The following IQSEC1 variants were observed in gnomAD, a reference collection of about 807,000 sequenced individuals.
IQSEC1 encodes the protein IQ motif and Sec7 domain ArfGEF 1, also known as IQ motif and SEC7 domain-containing protein 1.
In IQSEC1, 31 loss-of-function variants were observed where a neutral mutation model predicts 91.0. That is an observed-to-expected ratio of 0.34 (90% CI 0.26 to 0.46). The LOEUF (loss-of-function observed/expected upper bound fraction) is 0.46. Ranked by LOEUF, IQSEC1 falls within the 20% of genes least tolerant of loss-of-function variation. The pLI, the probability that IQSEC1 is intolerant of heterozygous loss-of-function variation, is 1.00. For synonymous variants in IQSEC1, 699 were observed against 662.6 expected (o/e 1.05, Z -0.84); for missense variants, 1,388 against 1,575.6 (o/e 0.88, Z 2.02).
At chr3:13,089,352 G>A (rs1226528634) in intron 2 of IQSEC1, among the ~76,000 whole-genome samples, 1 of 152,226 alleles carries the variant, frequency 6.6e-6, no homozygotes, top group Non-Finnish European at 1.5e-5. Flanking sequence ...GGCTGAGGCT[G>A]GAGAATTACT....
chr3:12,926,930 G>A (rs969461535), intron 3 of IQSEC1, among the ~76,000 whole-genome samples: 2 of 152,196 alleles, frequency 1.3e-5, no homozygotes, highest in Non-Finnish European at 2.9e-5. Flanking sequence ...AAGTGGTAAT[G>A]GAGTGGCCCC....
chr3:13,141,452 T>A (rs1398147256), intron 2 of IQSEC1, among the ~76,000 whole-genome samples: 1 of 152,236 alleles, frequency 6.6e-6, no homozygotes. Flanking sequence ...TCTGTTCTTG[T>A]GTTCCCTGGG....
intron 2 of IQSEC1, among the ~76,000 whole-genome samples, chr3:13,119,199 G>T (rs1046258711): frequency 1.3e-5 from 2 of 152,070 alleles, no homozygotes; most frequent in East Asian, 1.9e-4. Flanking sequence ...TAATATTTAA[G>T]AATATTATTA....
intron 1 of IQSEC1, among the ~76,000 whole-genome samples, chr3:12,948,633 T>C (rs2125405122): frequency 6.6e-6 from 1 of 152,202 alleles, no homozygotes; most frequent in East Asian, 1.9e-4. Flanking sequence ...TCAAGAAAAA[T>C]GTTAGCCAGG....
chr3:13,248,870 G>C (rs935202059), intron 1 of IQSEC1, among the ~76,000 whole-genome samples: 7 of 91,416 alleles, frequency 7.7e-5, no homozygotes, highest in South Asian at 3.3e-4. Flanking sequence ...GCTGCACAGA[G>C]AGATTGAGTA....
chr3:13,085,126 C>G (rs1193527398), intron 2 of IQSEC1, among the ~76,000 whole-genome samples: 4 of 152,158 alleles, frequency 2.6e-5, no homozygotes, highest in African/African-American at 9.7e-5. Context: ...TACGACATCT[C>G]CTCGGATGCC....
chr3:12,981,542 G>A (rs1202401330), intron 1 of IQSEC1, among the ~76,000 whole-genome samples: 2 of 152,006 alleles, frequency 1.3e-5, no homozygotes, highest in Non-Finnish European at 2.9e-5. Flanking sequence ...GAAACAACAG[G>A]GGGAACTTTT....
chr3:13,037,346 T>C (rs6442347), intron 1 of IQSEC1, among the ~76,000 whole-genome samples: 49,838 of 151,910 alleles, frequency 0.33, 8,966 homozygotes, highest in African/African-American at 0.48. Flanking sequence ...CAAGGGTGCT[T>C]ACTGCATCCC....
At chr3:13,038,401 AC>A (rs1392010718) in intron 1 of IQSEC1, among the ~76,000 whole-genome samples, 1 of 151,286 alleles carries the variant, frequency 6.6e-6, no homozygotes, top group East Asian at 1.9e-4. Flanking sequence ...GTACAGAAAA[AC>A]AAAATATCAC....
At chr3:12,930,800 T>C (rs1697602147) in intron 3 of IQSEC1, among the ~76,000 whole-genome samples, 1 of 152,086 alleles carries the variant, frequency 6.6e-6, no homozygotes, top group South Asian at 2.1e-4. Flanking sequence ...GGGTTTGGAG[T>C]GCCCGAGGAT....
chr3:13,003,008 A>G (rs896101657), intron 1 of IQSEC1, among the ~76,000 whole-genome samples: 5 of 152,242 alleles, frequency 3.3e-5, no homozygotes, highest in African/African-American at 1.2e-4. Flanking sequence ...ACATATGTCC[A>G]CATCAAATCT....
chr3:13,008,854 AC>A lies in IQSEC1; in HGVS notation c.23+64137del, dbSNP rs1288078391. Among the ~76,000 whole-genome samples, 5 of 152,084 alleles carry A rather than the reference AC, an allele frequency of 3.3e-5. No individual in the cohort carries two copies. Among genetic ancestry groups the A allele is most frequent in the African/African-American group, 1.2e-4 (5 of 41,396 alleles). ...CAGTGGGAACCAGACACGCTGGCAA[AC>A]CCCATCCCACGGGCTAGGCTTTCAG... On this transcript the variant is annotated intron_variant, in intron 1 of 13. Transcript: ENST00000613206. This position sits in a 1 kb window ranked among gnomAD's most constrained non-coding sequence, Gnocchi z 4.1.
chr3:13,052,105 A>G (rs942831945), intron 1 of IQSEC1, among the ~76,000 whole-genome samples: 3 of 152,258 alleles, frequency 2.0e-5, no homozygotes, highest in South Asian at 2.1e-4. Context: ...GTGTGTCCAC[A>G]TGGTTCCCTC....
Position 12,909,987 on chromosome 3 carries a change from C to T in IQSEC1, c.2417-553G>A, listed in dbSNP as rs1179788166. On this transcript the variant is annotated intron_variant, in intron 10 of 13. Coordinates refer to ENST00000613206, the MANE Select transcript of IQSEC1 (RefSeq NM_001134382.3). The surrounding 1 kb of genome is among the most constrained non-coding windows in gnomAD (Gnocchi z 4.9). ...GTTTGAAGGTTCTTGGACCAAGTAC[C>T]AATCCCACCTTGGCTCAGACCAGGT... 6.6e-6 allele frequency among the ~76,000 whole-genome samples: 1 copy of T among 152,228 alleles called. No homozygotes were observed. Among genetic ancestry groups the T allele is most frequent in the Non-Finnish European group, 1.5e-5 (1 of 68,040 alleles).
At chr3:13,225,300 T>C (rs531103086) in intron 1 of IQSEC1, among the ~76,000 whole-genome samples, 152 of 152,336 alleles carry the variant, frequency 1.0e-3, no homozygotes, top group Non-Finnish European at 1.9e-3. Context: ...GATCCTGGGA[T>C]GAAAGGCAAT....
At chr3:13,020,859 G>C (rs1430459366) in intron 1 of IQSEC1, among the ~76,000 whole-genome samples, 1 of 152,030 alleles carries the variant, frequency 6.6e-6, no homozygotes, top group Non-Finnish European at 1.5e-5. Flanking sequence ...TAACTATTTT[G>C]TTGCAGGTAT....
intron 1 of IQSEC1, among the ~76,000 whole-genome samples, chr3:13,056,995 C>T (rs1442768535): frequency 6.6e-6 from 1 of 152,154 alleles, no homozygotes; most frequent in East Asian, 1.9e-4. Context: ...TTACACAGAG[C>T]CCCATCTTTT....
intron 1 of IQSEC1, chr3:13,022,080 G>A (rs1202679303): frequency 4.9e-6 from 6 of 1,231,826 alleles, no homozygotes; most frequent in East Asian, 3.2e-5. Context: ...GGCTCCACAC[G>A]GCACTGCCAT....
intron 1 of IQSEC1, among the ~76,000 whole-genome samples, chr3:13,174,280 G>A (rs543702148): frequency 4.6e-5 from 7 of 152,294 alleles, no homozygotes; most frequent in African/African-American, 1.4e-4. Context: ...ACCCCGGAAA[G>A]GCTTTGTCCT....
Sources: allele counts gnomAD v4.1 joint callset (sites outside exome capture counted in the v4.1 genomes callset), GRCh38; gene constraint gnomAD v4.1.1; non-coding constraint Gnocchi (gnomAD v3.1); transcripts MANE v1.5; gene names NCBI Gene and HGNC (gene_info 2026-07-23, HGNC 2026-07-21).